MRPL4: variants seen among roughly 807,000 people sequenced by gnomAD.
The protein encoded by MRPL4 is large ribosomal subunit protein uL4m.
In MRPL4, 34 loss-of-function variants were observed where a neutral mutation model predicts 34.1. The ratio of observed to expected loss-of-function variants is 1.00; its 90% CI spans 0.76 to 1.33. The LOEUF (loss-of-function observed/expected upper bound fraction) is 1.33, where lower values mean the gene tolerates loss of function less well. MRPL4 is among the 40% of genes most tolerant of loss of function. The pLI is 0.00. For missense variants in MRPL4, 402 were observed against 434.6 expected, an observed-to-expected ratio of 0.92 and a Z score of 0.67; for synonymous variants, 196 against 188.3, an observed-to-expected ratio of 1.04 and a Z score of -0.33.
At chr19:10,258,874 G>T in intron 8 of MRPL4, 189 bp downstream of exon 8, 9 of 1,500,238 alleles carry the variant, frequency 6.0e-6, no homozygotes, top group Admixed American at 2.2e-5. Context: ...GGTGGCTCAC[G>T]CTTGTAATCC....
At chr19:10,259,248 C>A (rs775177274) in intron 8 of MRPL4, 246 of 1,333,942 alleles carry the variant, frequency 1.8e-4, no homozygotes, top group Middle Eastern at 2.8e-4. Context: ...CCACCTCTCT[C>A]AGGATGAAAG....
At chr19:10,252,371 C>A (rs768514115) in intron 1 of MRPL4, 26 bp from the exon 2 acceptor site, 137 of 1,613,962 alleles carry the variant, frequency 8.5e-5, no homozygotes, top group Non-Finnish European at 6.8e-6. Flanking sequence ...CAGGGGTCGT[C>A]TCTCACTTTC....
Position 10,252,240 on chromosome 19 carries a change from G to A in MRPL4, c.-14G>A. 1 of 1,597,178 alleles carries A rather than the reference G, an allele frequency of 6.3e-7. No individual in the cohort carries two copies. Among genetic ancestry groups the A allele is most frequent in the African/African-American group, 1.4e-5 (1 of 74,026 alleles). ...GTGGCCTTGACCTCCCGCGGCGTGG[G>A]AGGCTGCGCGGCGATGCTGCAGTTC... On this transcript the variant is annotated 5_prime_UTR_variant, in exon 1 of 9. Transcript: ENST00000253099.
chr19:10,252,699 C>T lies in MRPL4; in HGVS notation c.273C>T (p.Pro91=). Reference sequence around the variant, plus strand: ...ACCCCGATGTTTTCGCCACCGCGCCCAGGTGAGCGAGGGCTGTAATGGTGA... The same window carrying T: ...ACCCCGATGTTTTCGCCACCGCGCCTAGGTGAGCGAGGGCTGTAATGGTGA... The part of the protein sequence containing the change: ...DLHPDVFATA[P]RLDILHQVAM... The change falls in exon 3 of 9, where the codon CCC becomes CCT. Residue 91 remains proline (P), a splice_region_variant and synonymous_variant. Transcript: ENST00000253099. 6.2e-7 allele frequency: 1 copy of T among 1,601,424 alleles called. No individual in the cohort carries two copies. The highest frequency in any genetic ancestry group is 8.5e-7 in the Non-Finnish European group (1 of 1,179,446).
At position 10,256,753 on chromosome 19, in the gene MRPL4, C is replaced by T. The variant is rs550089852; in HGVS notation, c.373C>T (p.Arg125Trp). Residue 125 changes from arginine (R) to tryptophan (W), a missense_variant, in exon 5 of 9, where the codon CGG becomes TGG. Arg to Trp is a moderately radical substitution (Grantham distance 101). Coordinates refer to ENST00000253099, the MANE Select transcript of MRPL4 (RefSeq NM_015956.3). ...KTRAEVRGGG[R>W]KPWPQKGTGR... ...GAGAGCCGAGGTGCGGGGCGGTGGC[C>T]GGAAGCCTTGGCCGCAGAAAGGCAC... 2.2e-5 allele frequency: 35 copies of T among 1,598,272 alleles called. No homozygotes were observed. The highest frequency in any genetic ancestry group is 2.7e-5 in the Non-Finnish European group (32 of 1,172,984).
intron 3 of MRPL4, among the ~76,000 whole-genome samples, chr19:10,253,212 C>CA (rs2039812734): frequency 6.6e-6 from 1 of 152,132 alleles, no homozygotes; most frequent in African/African-American, 2.4e-5. Flanking sequence ...CGCAGTGGCT[C>CA]ACGCCTGTAA....
rs746117302 is a variant in MRPL4, at chr19:10,252,234, G to GA, written c.-20_-19insA. ...GCTCCAGTGGCCTTGACCTCCCGCG[G>GA]CGTGGGAGGCTGCGCGGCGATGCTG... On this transcript the variant is annotated 5_prime_UTR_variant, in exon 1 of 9. Transcript: ENST00000253099. 1 of 1,591,882 alleles carries GA rather than the reference G, an allele frequency of 6.3e-7. No individual in the cohort carries two copies. The highest frequency in any genetic ancestry group is 1.1e-5 in the South Asian group (1 of 90,014).
intron 4 of MRPL4, 81 bp from the exon 5 acceptor site, chr19:10,256,627 C>A: frequency 8.4e-7 from 1 of 1,191,778 alleles, no homozygotes; most frequent in Non-Finnish European, 1.2e-6. Flanking sequence ...TCCTGTCTGA[C>A]TTCCCCGTGG....
In MRPL4 at chr19:10,259,607, C is replaced by T. The variant is rs1410287370; in HGVS notation, c.740-10C>T. 1.9e-5 allele frequency: 29 copies of T among 1,524,484 alleles called. No individual in the cohort carries two copies. Among genetic ancestry groups the T allele is most frequent in the African/African-American group, 2.8e-5 (2 of 70,622 alleles). The allele number at this position is 1,524,484 out of a possible 1,614,324, so 94.4% of individuals were successfully genotyped here. On this transcript the variant is annotated splice_polypyrimidine_tract_variant and intron_variant, in intron 8 of 8. Transcript: ENST00000253099. The stretch of plus-strand genomic sequence containing the variant: ...ACCGGCCCCCCGCCCCGCCCCCACC[C>T]CGCCCCCAGGCCTAAATGTGCACAG...
At position 10,256,773 on chromosome 19, in the gene MRPL4, A is replaced by G. The variant is rs149477691; in HGVS notation, c.393A>G (p.Lys131=). 4 of 1,513,988 alleles carry G rather than the reference A, an allele frequency of 2.6e-6. No homozygotes were observed. The allele number at this position is 1,513,988 out of a possible 1,614,324, so 93.8% of individuals were successfully genotyped here. Residue 131 remains lysine (K), a synonymous_variant, in exon 5 of 9, where the codon AAA becomes AAG. Transcript: ENST00000253099. ...RGGGRKPWPQ[K]GTGRARHGSI... Reference sequence around the variant, plus strand: ...GTGGCCGGAAGCCTTGGCCGCAGAAAGGCACTGGGCGGGCCCGGCATGGCA... The same window carrying G: ...GTGGCCGGAAGCCTTGGCCGCAGAAGGGCACTGGGCGGGCCCGGCATGGCA...
In MRPL4 at chr19:10,259,899, C is replaced by T; in HGVS notation, c.*86C>T. 1 of 1,215,952 alleles carries T rather than the reference C, an allele frequency of 8.2e-7. No homozygotes were observed. Among genetic ancestry groups the T allele is most frequent in the Non-Finnish European group, 1.1e-6 (1 of 878,846 alleles). The allele number at this position is 1,215,952 out of a possible 1,614,324, so 75.3% of individuals were successfully genotyped here. On this transcript the variant is annotated 3_prime_UTR_variant, in exon 9 of 9. Transcript: ENST00000253099. Reference sequence around the variant, plus strand: ...CGCCCACCCTTCGAGGAAGGTGTCACCTGGACCCCTTCATTCCACGGAGGA... The same window carrying T: ...CGCCCACCCTTCGAGGAAGGTGTCATCTGGACCCCTTCATTCCACGGAGGA...
At chr19:10,259,287 C>T (rs1342618933) in intron 8 of MRPL4, 2 of 1,379,834 alleles carry the variant, frequency 1.4e-6, no homozygotes, top group Non-Finnish European at 1.9e-6. Context: ...CACGTCAGGC[C>T]CTGCACGATG....
At chr19:10,253,286 C>G (rs2039814450) in intron 3 of MRPL4, among the ~76,000 whole-genome samples, 2 of 151,200 alleles carry the variant, frequency 1.3e-5, no homozygotes, top group South Asian at 2.1e-4. Context: ...ACCATCCTGG[C>G]TAACATGGTG....
Position 10,252,247 on chromosome 19 carries a change from C to A in MRPL4, c.-7C>A, listed in dbSNP as rs748607312. 1.3e-6 allele frequency: 2 copies of A among 1,599,972 alleles called. No homozygotes were observed. The highest frequency in any genetic ancestry group is 2.2e-5 in the South Asian group (2 of 90,528). ...TGACCTCCCGCGGCGTGGGAGGCTG[C>A]GCGGCGATGCTGCAGTTCGTCCGGG... On this transcript the variant is annotated 5_prime_UTR_variant, in exon 1 of 9. Transcript: ENST00000253099.
In MRPL4 at chr19:10,259,587, C is replaced by A. The variant is rs112603437; in HGVS notation, c.740-30C>A. On this transcript the variant is annotated intron_variant, in intron 8 of 8. Coordinates refer to ENST00000253099, the MANE Select transcript of MRPL4 (RefSeq NM_015956.3). ...AGAGAGGCAGCCCCGGCCTGACCGG[C>A]CCCCCGCCCCGCCCCCACCCCGCCC... 2.3e-3 allele frequency: 1,505 copies of A among 657,310 alleles called. 11 individuals are homozygous for A. In the African/African-American group the frequency reaches 0.027, roughly 12 times the overall value. 40.7% of individuals were successfully genotyped at this position (657,310 alleles called of 1,614,324 possible).
At chr19:10,259,098 CAAA>C (rs35481360) in intron 8 of MRPL4, 15,257 of 522,444 alleles carry the variant, frequency 0.029, no homozygotes, top group Middle Eastern at 0.038. Flanking sequence ...ACTCTTGTCT[CAAA>C]AAAAAAAAAA....
chr19:10,252,883 G>A lies in MRPL4; in HGVS notation c.275+182G>A, dbSNP rs116155266. The A allele has an allele frequency of 4.1e-4, 377 of 913,126 alleles. 1 individual carries two copies. The African/African-American group carries it at 5.9e-3, about 14-fold the overall frequency. 56.6% of individuals were successfully genotyped at this position (913,126 alleles called of 1,614,324 possible). On this transcript the variant is annotated intron_variant, in intron 3 of 8. Transcript: ENST00000253099. ...TGCTGTAGCGCTGTGTGAGATTGAA[G>A]CCTGAGAGGTGACATCATCTAAGGG...
rs138820985 is a variant in MRPL4, at chr19:10,258,655, C to T, written c.709C>T (p.Leu237Phe). ...PQSIVEATSRLKTFNLIPAVG... is the reference protein window; with the variant it reads ...PQSIVEATSRFKTFNLIPAVG... The stretch of plus-strand genomic sequence containing the variant: ...GAGCATCGTGGAGGCCACCTCTAGG[C>T]TTAAGACCTTCAACTTGATCCCGGC... Residue 237 changes from leucine to phenylalanine, a missense_variant, in exon 8 of 9, where the codon CTT (leucine) becomes TTT (phenylalanine). Coordinates refer to ENST00000253099, the MANE Select transcript of MRPL4 (RefSeq NM_015956.3). 3.2e-5 allele frequency: 51 copies of T among 1,614,178 alleles called. 1 individual carries two copies. In the African/African-American group the frequency reaches 6.0e-4, roughly 19 times the overall value.
chr19:10,259,388 G>C, intron 8 of MRPL4: 1 of 1,404,958 alleles, frequency 7.1e-7, no homozygotes, highest in Non-Finnish European at 9.2e-7. Flanking sequence ...ACAGGACCGA[G>C]CCTGGCTCTC....
Sources: gnomAD v4.1 joint callset for allele counts (sites outside exome capture counted in the v4.1 genomes callset) on GRCh38, gnomAD v4.1.1 for gene constraint, MANE v1.5 for transcripts, NCBI Gene and HGNC (gene_info 2026-07-23, HGNC 2026-07-21) for gene names.